SPRYD4: variants seen among roughly 807,000 people sequenced by gnomAD.
SPRYD4 encodes SPRY domain-containing protein 4.
Under a neutral mutation model 16.6 loss-of-function variants are expected in SPRYD4, and 12 were observed. The ratio of observed to expected loss-of-function variants is 0.72; its 90% CI spans 0.46 to 1.17. SPRYD4 has a LOEUF of 1.17. Among genes scored for constraint, SPRYD4 ranks in the 50% most tolerant of loss-of-function variants. SPRYD4 has a pLI of 0.00. For missense variants in SPRYD4, 260 were observed against 260.2 expected (o/e 1.00, Z 0.00); for synonymous variants, 98 against 105.4 (o/e 0.93, Z 0.43).
chr12:56,469,615 C>T lies in SPRYD4; in HGVS notation c.*38C>T, dbSNP rs766920577. On this transcript the variant is annotated 3_prime_UTR_variant, in exon 2 of 2. Coordinates refer to ENST00000338146, the MANE Select transcript of SPRYD4 (RefSeq NM_207344.4). ...TGGAGTCCCTAATCACGCCTTTGGC[C>T]AGCCTCCTTTTGAAAGTGTCCGAAG... 6.4e-7 allele frequency: 1 copy of T among 1,567,608 alleles called. No homozygotes were observed. Among genetic ancestry groups the T allele is most frequent in the South Asian group, 1.1e-5 (1 of 87,070 alleles).
At position 56,479,247 on chromosome 12, in the gene SPRYD4, C is replaced by A. The variant is rs527551042; in HGVS notation, c.*9670C>A. The A allele has an allele frequency of 6.3e-6, 10 of 1,576,382 alleles. No homozygotes were observed. Among genetic ancestry groups the A allele is most frequent in the Non-Finnish European group, 8.6e-6 (10 of 1,164,138 alleles). ...GCAGCTGGGACTCACTCTGGAGCCA[C>A]GGAAATTGGGAATAAAGAAGGTTGA... On this transcript the variant is annotated 3_prime_UTR_variant, in exon 2 of 2. Coordinates refer to ENST00000338146, the MANE Select transcript of SPRYD4 (RefSeq NM_207344.4).
rs1225324184 is a variant in SPRYD4, at chr12:56,479,190, C to A, written c.*9613C>A. On this transcript the variant is annotated 3_prime_UTR_variant, in exon 2 of 2. Transcript: ENST00000338146. ...TGTTGCTGCTCACACACCTGGATCCCAGACACGATTGGATTAGGGGGCTAG... is the reference window on the plus strand; with the variant it reads ...TGTTGCTGCTCACACACCTGGATCCAAGACACGATTGGATTAGGGGGCTAG... 1.9e-6 allele frequency: 3 copies of A among 1,612,832 alleles called. No individual in the cohort carries two copies. The highest frequency in any genetic ancestry group is 2.5e-6 in the Non-Finnish European group (3 of 1,179,896).
rs1555180963 is a variant in SPRYD4 at position 56,469,780 on chromosome 12, A to AGC, written c.*203_*204insGC. Reference sequence around the variant, plus strand: ...CAAACCCTCCTTTTCCCCACCCACCAACTACTGCCAATTTCCTAGGCTACC... The same window carrying AGC: ...CAAACCCTCCTTTTCCCCACCCACCAGCACTACTGCCAATTTCCTAGGCTACC... On this transcript the variant is annotated 3_prime_UTR_variant, in exon 2 of 2. Transcript: ENST00000338146. 1.7e-6 allele frequency: 1 copy of AGC among 592,516 alleles called. No homozygotes were observed. The highest frequency in any genetic ancestry group is 3.0e-6 in the Non-Finnish European group (1 of 336,806). The allele number at this position is 592,516 out of a possible 1,614,324, so 36.7% of individuals were successfully genotyped here. A position where few individuals can be genotyped will look rare whatever the true frequency, so the allele number is the denominator to read the frequency against.
In SPRYD4 at chr12:56,472,880, A is replaced by AT; in HGVS notation, c.*3304dup. ...GTGTTATGGAATGTGCTACTCTGAA[A>AT]TATTCTTTTTTTTTTTTTTTTTTTT... is the stretch of plus-strand genomic sequence containing the variant. On this transcript the variant is annotated 3_prime_UTR_variant, in exon 2 of 2. Coordinates refer to ENST00000338146, the MANE Select transcript of SPRYD4 (RefSeq NM_207344.4). 3 of 680,456 alleles carry AT rather than the reference A, an allele frequency of 4.4e-6. No individual in the cohort carries two copies. Among genetic ancestry groups the AT allele is most frequent in the South Asian group, 2.0e-5 (1 of 50,974 alleles). 42.2% of individuals were successfully genotyped at this position (680,456 alleles called of 1,614,324 possible). A position where few individuals can be genotyped will look rare whatever the true frequency, so the allele number is the denominator to read the frequency against.
chr12:56,469,203 A>T lies in SPRYD4; in HGVS notation c.250A>T (p.Thr84Ser). ...AGTGGTGCTGGCAGACACAGCGGTC[A>T]CCAGTGGCAGACACTACTGGGAAGT... is the stretch of plus-strand genomic sequence containing the variant. ...WAVVLADTAVTSGRHYWEVTV... is the reference protein window; with the variant it reads ...WAVVLADTAVSSGRHYWEVTV... Residue 84 changes from threonine (T) to serine (S), a missense_variant, in exon 2 of 2, where the codon ACC becomes TCC. Thr to Ser is a moderately conservative substitution (Grantham distance 58). Transcript: ENST00000338146. The T allele has an allele frequency of 6.2e-7, 1 of 1,614,134 alleles. No individual in the cohort carries two copies. The highest frequency in any genetic ancestry group is 8.5e-7 in the Non-Finnish European group (1 of 1,180,018).
Position 56,477,912 on chromosome 12 carries a change from C to G in SPRYD4, c.*8335C>G. ...AGAAGGGGACAGCTGTAAGTACGGTCTGAGCCTTGGTAGTGCTCACCTTCC... is the reference window on the plus strand; with the variant it reads ...AGAAGGGGACAGCTGTAAGTACGGTGTGAGCCTTGGTAGTGCTCACCTTCC... On this transcript the variant is annotated 3_prime_UTR_variant, in exon 2 of 2. Transcript: ENST00000338146. 3.7e-6 allele frequency: 6 copies of G among 1,606,980 alleles called. No individual in the cohort carries two copies. The highest frequency in any genetic ancestry group is 3.4e-6 in the Non-Finnish European group (4 of 1,176,246).
rs1282248560 is a variant in SPRYD4, at chr12:56,474,344, C to G, written c.*4767C>G. 1.6e-6 allele frequency: 1 copy of G among 638,684 alleles called. No individual in the cohort carries two copies. The highest frequency in any genetic ancestry group is 1.8e-5 in the African/African-American group (1 of 54,360). 39.6% of individuals were successfully genotyped at this position (638,684 alleles called of 1,614,324 possible). Reference sequence around the variant, plus strand: ...CCTCAGGTGATCCACCTGCCTCGGCCTCCCAAAGACATCTCTTTATATATT... The same window carrying G: ...CCTCAGGTGATCCACCTGCCTCGGCGTCCCAAAGACATCTCTTTATATATT... On this transcript the variant is annotated 3_prime_UTR_variant, in exon 2 of 2. Coordinates refer to ENST00000338146, the MANE Select transcript of SPRYD4 (RefSeq NM_207344.4).
In SPRYD4 at chr12:56,477,951, G is replaced by C. The variant is rs764599794; in HGVS notation, c.*8374G>C. The C allele has an allele frequency of 3.7e-6, 6 of 1,613,656 alleles. No homozygotes were observed. The Admixed American group carries it at 1.0e-4, about 27-fold the overall frequency. ...TGCTCACCTTCCTCATTGAGGGAGA[G>C]CTTGTTGTAGCGCAGGCCACTTGGC... On this transcript the variant is annotated 3_prime_UTR_variant, in exon 2 of 2. Transcript: ENST00000338146.
rs1592271563 is a variant in SPRYD4 at position 56,472,000 on chromosome 12, C to T, written c.*2423C>T. On this transcript the variant is annotated 3_prime_UTR_variant, in exon 2 of 2. Transcript: ENST00000338146. ...AGTCTAGCTGCAAACCGAAGGGTGTCTAGATAAAACTAGTTGCTGCCCCTA... is the reference window on the plus strand; with the variant it reads ...AGTCTAGCTGCAAACCGAAGGGTGTTTAGATAAAACTAGTTGCTGCCCCTA... 6.2e-6 allele frequency: 8 copies of T among 1,290,438 alleles called. No homozygotes were observed. The highest frequency in any genetic ancestry group is 8.9e-6 in the Non-Finnish European group (8 of 899,478). The allele number at this position is 1,290,438 out of a possible 1,614,324, so 79.9% of individuals were successfully genotyped here. A position where few individuals can be genotyped will look rare whatever the true frequency, so the allele number is the denominator to read the frequency against.
At position 56,469,017 on chromosome 12, in the gene SPRYD4, C is replaced by T. The variant is rs1296773823; in HGVS notation, c.86-22C>T. On this transcript the variant is annotated intron_variant, in intron 1 of 1. Transcript: ENST00000338146. ...AGGGTTCTAGCCCCTGTTATTATCC[C>T]GTCTTTTTGCTCTGCCCGCAGGCGT... is the stretch of plus-strand genomic sequence containing the variant. The T allele has an allele frequency of 9.8e-6, 15 of 1,537,114 alleles. No individual in the cohort carries two copies. In the Admixed American group the frequency reaches 2.7e-4, roughly 28 times the overall value.
rs1869734713 is a variant in SPRYD4, at chr12:56,475,578, A to G, written c.*6001A>G. On this transcript the variant is annotated 3_prime_UTR_variant, in exon 2 of 2. Transcript: ENST00000338146. ...TCTTGTCCCCATCCTAAGTACACACACATACACCACAATGCTTTCAGTCAG... is the reference window on the plus strand; with the variant it reads ...TCTTGTCCCCATCCTAAGTACACACGCATACACCACAATGCTTTCAGTCAG... 11 of 1,585,124 alleles carry G rather than the reference A, an allele frequency of 6.9e-6. No individual in the cohort carries two copies. Among genetic ancestry groups the G allele is most frequent in the Non-Finnish European group, 9.5e-6 (11 of 1,154,016 alleles).
chr12:56,476,033 A>G lies in SPRYD4; in HGVS notation c.*6456A>G. 1 of 1,553,264 alleles carries G rather than the reference A, an allele frequency of 6.4e-7. No homozygotes were observed. Among genetic ancestry groups the G allele is most frequent in the Non-Finnish European group, 8.8e-7 (1 of 1,132,426 alleles). ...TAAGTGTAGGAGGATGACAGAGGGA[A>G]GGGTCAGAAGGATCTAGTGGAGTTC... On this transcript the variant is annotated 3_prime_UTR_variant, in exon 2 of 2. Transcript: ENST00000338146.
At position 56,469,067 on chromosome 12, in the gene SPRYD4, C is replaced by A. The variant is rs773611493; in HGVS notation, c.114C>A (p.Thr38=). Residue 38 remains threonine, a synonymous_variant, in exon 2 of 2, where the codon ACC becomes ACA. Transcript: ENST00000338146. ...RGVSFKLEEK[T]AHSSLALFRD... ...TCAGTTTCAAACTGGAAGAAAAAACCGCCCACAGCAGCCTGGCACTCTTCA... is the reference window on the plus strand; with the variant it reads ...TCAGTTTCAAACTGGAAGAAAAAACAGCCCACAGCAGCCTGGCACTCTTCA... 1 of 1,571,688 alleles carries A rather than the reference C, an allele frequency of 6.4e-7. No individual in the cohort carries two copies. The highest frequency in any genetic ancestry group is 8.6e-7 in the Non-Finnish European group (1 of 1,159,190).
chr12:56,477,704 G>C lies in SPRYD4; in HGVS notation c.*8127G>C, dbSNP rs1359724869. 2 of 1,613,090 alleles carry C rather than the reference G, an allele frequency of 1.2e-6. No homozygotes were observed. Among genetic ancestry groups the C allele is most frequent in the Non-Finnish European group, 1.7e-6 (2 of 1,179,596 alleles). ...ACAATGGCACCAGCATTGACCATGG[G>C]GTTATGGGGGATTCCTGGGGAAATA... On this transcript the variant is annotated 3_prime_UTR_variant, in exon 2 of 2. Coordinates refer to ENST00000338146, the MANE Select transcript of SPRYD4 (RefSeq NM_207344.4).
rs1869794204 is a variant in SPRYD4 at position 56,476,167 on chromosome 12, T to TG, written c.*6590_*6591insG. 4 of 546,622 alleles carry TG rather than the reference T, an allele frequency of 7.3e-6. No homozygotes were observed. The highest frequency in any genetic ancestry group is 9.6e-6 in the Non-Finnish European group (3 of 313,892). The allele number at this position is 546,622 out of a possible 1,614,324, so 33.9% of individuals were successfully genotyped here. A position where few individuals can be genotyped will look rare whatever the true frequency, so the allele number is the denominator to read the frequency against. ...CATTGGCTCCTCTCTTTCTCTTTCT[T>TG]TTTTTTGAGACAGTCTTGCTTTGTC... On this transcript the variant is annotated 3_prime_UTR_variant, in exon 2 of 2. Transcript: ENST00000338146.
In SPRYD4 at chr12:56,476,222, G is replaced by A; in HGVS notation, c.*6645G>A. The A allele has an allele frequency of 2.1e-6, 1 of 475,012 alleles. No homozygotes were observed. Among genetic ancestry groups the A allele is most frequent in the Non-Finnish European group, 3.8e-6 (1 of 261,912 alleles). 29.4% of individuals were successfully genotyped at this position (475,012 alleles called of 1,614,324 possible). Reference sequence around the variant, plus strand: ...TTGTCACCCAGGCTGGAGTGCAGTGGCACGATCATGGCTCACTGCAGCTTT... The same window carrying A: ...TTGTCACCCAGGCTGGAGTGCAGTGACACGATCATGGCTCACTGCAGCTTT... On this transcript the variant is annotated 3_prime_UTR_variant, in exon 2 of 2. Coordinates refer to ENST00000338146, the MANE Select transcript of SPRYD4 (RefSeq NM_207344.4).
In SPRYD4 at chr12:56,469,538, G is replaced by C; in HGVS notation, c.585G>C (p.Leu195=). ...CCTTTGCTCTCTGGGATGGGGAGCT[G>C]CTGACCCATTCAGGGCTTGAGGTGC... ...VPAFALWDGE[L]LTHSGLEVPE... The change falls in exon 2 of 2, where the codon CTG becomes CTC. Residue 195 remains leucine (L), a synonymous_variant. Coordinates refer to ENST00000338146, the MANE Select transcript of SPRYD4 (RefSeq NM_207344.4). 1 of 1,614,028 alleles carries C rather than the reference G, an allele frequency of 6.2e-7. No homozygotes were observed. Among genetic ancestry groups the C allele is most frequent in the East Asian group, 2.2e-5 (1 of 44,888 alleles).
At position 56,478,522 on chromosome 12, in the gene SPRYD4, C is replaced by G. The variant is rs1870023368; in HGVS notation, c.*8945C>G. 6.4e-6 allele frequency: 3 copies of G among 470,820 alleles called. No homozygotes were observed. The highest frequency in any genetic ancestry group is 6.0e-4 in the Middle Eastern group (1 of 1,676). 29.2% of individuals were successfully genotyped at this position (470,820 alleles called of 1,614,324 possible). A position where few individuals can be genotyped will look rare whatever the true frequency, so the allele number is the denominator to read the frequency against. ...AAGGAGAATTCTGAGGCAACCTTCC[C>G]CTTTTGGTTCTTAGGCTCAGTTACC... On this transcript the variant is annotated 3_prime_UTR_variant, in exon 2 of 2. Coordinates refer to ENST00000338146, the MANE Select transcript of SPRYD4 (RefSeq NM_207344.4).
In SPRYD4 at chr12:56,477,577, TG is replaced by T; in HGVS notation, c.*8002del. 1 of 1,406,830 alleles carries T rather than the reference TG, an allele frequency of 7.1e-7. No individual in the cohort carries two copies. Among genetic ancestry groups the T allele is most frequent in the Non-Finnish European group, 9.8e-7 (1 of 1,016,148 alleles). 87.1% of individuals were successfully genotyped at this position (1,406,830 alleles called of 1,614,324 possible). A position where few individuals can be genotyped will look rare whatever the true frequency, so the allele number is the denominator to read the frequency against. ...GGAATCAGAGCCCCACCAGTCTCCC[TG>T]GAGAGCTGAACAAATATGAGGGATA... On this transcript the variant is annotated 3_prime_UTR_variant, in exon 2 of 2. Transcript: ENST00000338146.
Sources: allele counts gnomAD v4.1 joint callset, GRCh38; gene constraint gnomAD v4.1.1; transcripts MANE v1.5; gene names NCBI Gene and HGNC (gene_info 2026-07-23, HGNC 2026-07-21).